EXOC3L4: variants seen among roughly 807,000 people sequenced by gnomAD.
EXOC3L4 encodes the protein exocyst complex component 3-like protein 4.
EXOC3L4 carries 62 observed loss-of-function variants against 69.7 expected under a neutral mutation model. That is an observed-to-expected ratio of 0.89 (90% CI 0.72 to 1.10). The LOEUF (loss-of-function observed/expected upper bound fraction) is 1.10, where lower values mean the gene tolerates loss of function less well. EXOC3L4 is among the 50% of genes least tolerant of loss of function. The pLI is 0.00. For missense variants in EXOC3L4, 1,087 were observed against 1,034.8 expected (o/e 1.05, Z -0.69); for synonymous variants, 502 against 464.2 (o/e 1.08, Z -1.05).
In EXOC3L4 at chr14:103,100,545, G is replaced by T; in HGVS notation, c.326G>T (p.Gly109Val). 1 of 1,612,740 alleles carries T rather than the reference G, an allele frequency of 6.2e-7. No homozygotes were observed. Among genetic ancestry groups the T allele is most frequent in the Non-Finnish European group, 8.5e-7 (1 of 1,179,664 alleles). The change falls in exon 2 of 12, where the codon GGG becomes GTG. Residue 109 changes from glycine to valine, a missense_variant. Gly to Val is a moderately radical substitution (Grantham distance 109). Coordinates refer to ENST00000688303, the MANE Select transcript of EXOC3L4 (RefSeq NM_001077594.2). ...CAGGCCACTCCTGAGGTGCCCTCGG[G>T]GGTCATGAATGGTGTCAGCCAGCAG... The part of the protein sequence containing the change: ...HSQATPEVPS[G>V]VMNGVSQQAS...
Position 103,106,857 on chromosome 14 carries a change from C to A in EXOC3L4, c.1539C>A (p.Ser513Arg). 6.3e-7 allele frequency: 1 copy of A among 1,590,758 alleles called. No individual in the cohort carries two copies. ...LEKPLVTATC[S>R]FQKHLLQGLQ... ...AGCCCCTGGTGACGGCCACCTGCAGCTTCCAGAAGCACTTGCTTCAGGGCT... is the reference window on the plus strand; with the variant it reads ...AGCCCCTGGTGACGGCCACCTGCAGATTCCAGAAGCACTTGCTTCAGGGCT... Residue 513 changes from serine (S) to arginine (R), a missense_variant, in exon 8 of 12, where the codon AGC (serine) becomes AGA (arginine). Physicochemically the swap from Ser to Arg is moderately radical, Grantham distance 110. Transcript: ENST00000688303.
intron 8 of EXOC3L4, among the ~76,000 whole-genome samples, chr14:103,107,147 C>T (rs886847808): frequency 1.3e-5 from 2 of 152,170 alleles, no homozygotes; most frequent in Admixed American, 6.5e-5. Flanking sequence ...GGTGGGTCCA[C>T]GGATCCAGGC....
At chr14:103,103,797 C>CGCGCGTGT (rs763940116) in intron 3 of EXOC3L4, 144 bp from the exon 4 acceptor site, 82 of 433,686 alleles carry the variant, frequency 1.9e-4, no homozygotes, top group Admixed American at 4.5e-4. Context: ...GGCGCGCGCG[C>CGCGCGTGT]GTGTGTGTGT....
At chr14:103,104,537 C>G in intron 5 of EXOC3L4, 148 bp downstream of exon 5, 1 of 1,340,538 alleles carries the variant, frequency 7.5e-7, no homozygotes, top group Non-Finnish European at 9.7e-7. Flanking sequence ...AAATCGGGGA[C>G]CCCCGGCGCG....
At chr14:103,094,426 G>A (rs1050608617), upstream of EXOC3L4, among the ~76,000 whole-genome samples, 2 of 152,120 alleles carry the variant, frequency 1.3e-5, no homozygotes, top group African/African-American at 2.4e-5. Flanking sequence ...GCCTGCTTCC[G>A]CTGGCCTCTG....
In EXOC3L4 at chr14:103,108,260, CG is replaced by C. The variant is rs552470324; in HGVS notation, c.1855-134del. 1,350 of 1,347,748 alleles carry C rather than the reference CG, an allele frequency of 1.0e-3. 10 individuals are homozygous for C. In the African/African-American group the frequency reaches 0.017, roughly 17 times the overall value. The allele number at this position is 1,347,748 out of a possible 1,614,324, so 83.5% of individuals were successfully genotyped here. The stretch of plus-strand genomic sequence containing the variant: ...CGTTCTGTTTTGGGGGAGGCAGTCC[CG>C]GCACCGAGCCAGAGTGACTACAGGA... On this transcript the variant is annotated intron_variant, in intron 10 of 11. Coordinates refer to ENST00000688303, the MANE Select transcript of EXOC3L4 (RefSeq NM_001077594.2).
chr14:103,097,019 G>A lies in EXOC3L4; in HGVS notation c.-17+2179G>A, dbSNP rs1047346668. 2.0e-5 allele frequency among the ~76,000 whole-genome samples: 3 copies of A among 152,092 alleles called. No homozygotes were observed. Among genetic ancestry groups the A allele is most frequent in the South Asian group, 2.1e-4 (1 of 4,826 alleles). On this transcript the variant is annotated intron_variant, in intron 1 of 11. Transcript: ENST00000688303. The surrounding 1 kb of genome is among the most constrained non-coding windows in gnomAD (Gnocchi z 4.9). ...AGTGGAGCGATGGTCCAGTCCCAGC[G>A]TAGTTGGGGAGGCTGGGGAGTGGGT... is the stretch of plus-strand genomic sequence containing the variant.
Position 103,102,640 on chromosome 14 carries a change from T to A in EXOC3L4, c.917T>A (p.Phe306Tyr). The change falls in exon 3 of 12, where the codon TTC (phenylalanine) becomes TAC (tyrosine). Residue 306 changes from phenylalanine to tyrosine, a missense_variant. Phe to Tyr is a conservative substitution (Grantham distance 22, BLOSUM62 3). Transcript: ENST00000688303. ...CAGCCCGCGTATGCGGCGGCCGGCT[T>A]CCCAGCGTGGGAGGTCTATCTGCGT... The part of the protein sequence containing the change: ...EVQPAYAAAG[F>Y]PAWEVYLRAF... The A allele has an allele frequency of 6.7e-7, 1 of 1,500,534 alleles. No individual in the cohort carries two copies. The highest frequency in any genetic ancestry group is 8.8e-7 in the Non-Finnish European group (1 of 1,130,552). 93.0% of individuals were successfully genotyped at this position (1,500,534 alleles called of 1,614,324 possible).
chr14:103,103,354 C>CAAAAAAAAAAAA (rs3070496), intron 3 of EXOC3L4, among the ~76,000 whole-genome samples: 15 of 94,886 alleles, frequency 1.6e-4, no homozygotes, highest in African/African-American at 4.6e-4. Flanking sequence ...GACTCTGTCT[C>CAAAAAAAAAAAA]AAAAAAAAAA....
At chr14:103,102,980 A>G (rs1331517185) in intron 3 of EXOC3L4, among the ~76,000 whole-genome samples, 2 of 152,210 alleles carry the variant, frequency 1.3e-5, no homozygotes, top group Non-Finnish European at 2.9e-5. Context: ...ACCCATACAC[A>G]GTTCCAGAAT....
chr14:103,097,898 C>G lies in EXOC3L4; in HGVS notation c.-16-2306C>G, dbSNP rs1030492962. Reference sequence around the variant, plus strand: ...GGGGAAGCTGGTGAGGTGTCATCAGCGGGAGGTGGGGGGTGGAGGAAGGAG... The same window carrying G: ...GGGGAAGCTGGTGAGGTGTCATCAGGGGGAGGTGGGGGGTGGAGGAAGGAG... On this transcript the variant is annotated intron_variant, in intron 1 of 11. Coordinates refer to ENST00000688303, the MANE Select transcript of EXOC3L4 (RefSeq NM_001077594.2). The surrounding 1 kb of genome is among the most constrained non-coding windows in gnomAD (Gnocchi z 4.9). Among the ~76,000 whole-genome samples, 1 of 151,536 alleles carries G rather than the reference C, an allele frequency of 6.6e-6. No homozygotes were observed. The highest frequency in any genetic ancestry group is 2.0e-4 in the East Asian group (1 of 5,100).
At position 103,102,399 on chromosome 14, in the gene EXOC3L4, C is replaced by G. The variant is rs867290580; in HGVS notation, c.676C>G (p.Pro226Ala). The change falls in exon 3 of 12, where the codon CCT (proline) becomes GCT (alanine). Residue 226 changes from proline (P) to alanine (A), a missense_variant. Coordinates refer to ENST00000688303, the MANE Select transcript of EXOC3L4 (RefSeq NM_001077594.2). ...GGTGAGCGCGGAGGAGGAAGCCCAC[C>G]CTTCTCCCCCCGACGACGGCGACTT... ...RVVSAEEEAH[P>A]SPPDDGDFLR... 28 of 1,541,312 alleles carry G rather than the reference C, an allele frequency of 1.8e-5. 1 individual carries two copies. The Middle Eastern group carries it at 3.5e-3, about 190-fold the overall frequency.
At chr14:103,107,124 C>G (rs899479930) in intron 8 of EXOC3L4, among the ~76,000 whole-genome samples, 6 of 152,166 alleles carry the variant, frequency 3.9e-5, no homozygotes, top group Non-Finnish European at 8.8e-5. Context: ...TGGTCACCCC[C>G]GAAGCCTGGG....
intron 3 of EXOC3L4, 144 bp from the exon 4 acceptor site, chr14:103,103,797 C>CGTGTGTGTGTGT (rs56147384): frequency 0.019 from 8,060 of 432,412 alleles, 62 homozygotes; most frequent in East Asian, 0.045. Context: ...GGCGCGCGCG[C>CGTGTGTGTGTGT]GTGTGTGTGT....
chr14:103,102,472 G>A lies in EXOC3L4; in HGVS notation c.749G>A (p.Arg250Gln). 1.4e-6 allele frequency: 2 copies of A among 1,444,590 alleles called. No individual in the cohort carries two copies. Among genetic ancestry groups the A allele is most frequent in the Non-Finnish European group, 1.8e-6 (2 of 1,110,922 alleles). The allele number at this position is 1,444,590 out of a possible 1,614,324, so 89.5% of individuals were successfully genotyped here. Residue 250 changes from arginine to glutamine, a missense_variant, in exon 3 of 12, where the codon CGG becomes CAG. Physicochemically the swap from Arg to Gln is conservative, Grantham distance 43. Transcript: ENST00000688303. ...CGCCAGCACTGGGAGGAGGCGGTGC[G>A]GCGAAGCGCTCAGGAGCGCGTGCGG... ...RWRQHWEEAV[R>Q]RSAQERVRRP...
chr14:103,107,462 G>T lies in EXOC3L4; in HGVS notation c.1620G>T (p.Thr540=), dbSNP rs773646997. The T allele has an allele frequency of 5.6e-5, 90 of 1,613,910 alleles. No homozygotes were observed. The highest frequency in any genetic ancestry group is 1.3e-4 in the Admixed American group (8 of 60,026). ...TTGTGTGCACCAGGGACTGGCTGAC[G>T]CAGGACTGGCTGCATCCCCTCATGG... ...FRVVCTRDWL[T]QDWLHPLMDK... is the part of the protein sequence containing the mutation. The change falls in exon 9 of 12, where the codon ACG becomes ACT. Residue 540 remains threonine (T), a synonymous_variant. Coordinates refer to ENST00000688303, the MANE Select transcript of EXOC3L4 (RefSeq NM_001077594.2).
Position 103,102,336 on chromosome 14 carries a change from G to T in EXOC3L4, c.613G>T (p.Gly205Cys), listed in dbSNP as rs1377384819. ...AIVRETLDSDGVDAAALAELA... is the reference protein window; with the variant it reads ...AIVRETLDSDCVDAAALAELA... ...CGTGCGCGAGACGCTGGACAGCGAC[G>T]GTGTGGACGCGGCCGCGCTGGCCGA... Residue 205 changes from glycine to cysteine, a missense_variant, in exon 3 of 12, where the codon GGT becomes TGT. Transcript: ENST00000688303. 1.3e-6 allele frequency: 2 copies of T among 1,563,208 alleles called. No homozygotes were observed. The highest frequency in any genetic ancestry group is 2.4e-5 in the East Asian group (1 of 42,390).
chr14:103,095,287 G>T (rs907037591), intron 1 of EXOC3L4, among the ~76,000 whole-genome samples: 1 of 152,228 alleles, frequency 6.6e-6, no homozygotes, highest in Admixed American at 6.5e-5. Flanking sequence ...CATGGCTGGG[G>T]GCTGAGTCAG....
Position 103,100,199 on chromosome 14 carries a change from C to T in EXOC3L4, c.-16-5C>T. The T allele has an allele frequency of 1.3e-6, 2 of 1,551,658 alleles. No homozygotes were observed. Among genetic ancestry groups the T allele is most frequent in the Non-Finnish European group, 1.7e-6 (2 of 1,144,028 alleles). On this transcript the variant is annotated splice_region_variant and splice_polypyrimidine_tract_variant and intron_variant, in intron 1 of 11. Coordinates refer to ENST00000688303, the MANE Select transcript of EXOC3L4 (RefSeq NM_001077594.2). ...GCTCCTATGGCCACTCCTTCTTGCC[C>T]CCAGCTCTCCTGCTGCCAAGATGCC...
Sources: gnomAD v4.1 joint callset for allele counts (sites outside exome capture counted in the v4.1 genomes callset) on GRCh38, gnomAD v4.1.1 for gene constraint, Gnocchi (gnomAD v3.1) non-coding constraint, MANE v1.5 for transcripts, NCBI Gene and HGNC (gene_info 2026-07-23, HGNC 2026-07-21) for gene names.